BOLL: variants seen among roughly 807,000 people sequenced by gnomAD.
BOLL encodes the protein boule RNA binding protein.
Under a neutral mutation model 44.4 loss-of-function variants are expected in BOLL, and 23 were observed. That is an observed-to-expected ratio of 0.52 (90% CI 0.37 to 0.73). The LOEUF is 0.73. Ranked by LOEUF, BOLL falls within the 30% of genes least tolerant of loss-of-function variation. The pLI, the probability that BOLL is intolerant of heterozygous loss-of-function variation, is 0.00. For missense variants in BOLL, 287 were observed against 338.3 expected (o/e 0.85, Z 1.19); for synonymous variants, 97 against 110.8 (o/e 0.88, Z 0.78).
chr2:197,731,551 C>T (rs1370550236), intron 10 of BOLL, among the ~76,000 whole-genome samples: 3 of 82,706 alleles, frequency 3.6e-5, no homozygotes, highest in Non-Finnish European at 6.8e-5. Flanking sequence ...CAAAATTGAC[C>T]ACATAGTTGG....
intron 2 of BOLL, among the ~76,000 whole-genome samples, chr2:197,780,859 T>C (rs1482695701): frequency 6.6e-6 from 1 of 152,008 alleles, no homozygotes; most frequent in Non-Finnish European, 1.5e-5. Context: ...CTTCTATATA[T>C]CCATTTGAAA....
Position 197,781,760 on chromosome 2 carries a change from T to C in BOLL, c.91A>G (p.Ile31Val). 6.2e-7 allele frequency: 1 copy of C among 1,601,174 alleles called. No individual in the cohort carries two copies. Among genetic ancestry groups the C allele is most frequent in the Non-Finnish European group, 8.5e-7 (1 of 1,171,174 alleles). The change falls in exon 2 of 11, where the codon ATC becomes GTC. Residue 31 changes from isoleucine (I) to valine (V), a missense_variant. Ile to Val is a conservative substitution (Grantham distance 29). Transcript: ENST00000392296. ...PTSAPRYGTVIPNRIFVGGID... is the reference protein window; with the variant it reads ...PTSAPRYGTVVPNRIFVGGID... ...CCTCCTACAAAGATGCGATTAGGGATCACTGTTCCATATCTTGGGGCACTT... is the reference window on the plus strand; with the variant it reads ...CCTCCTACAAAGATGCGATTAGGGACCACTGTTCCATATCTTGGGGCACTT...
rs985863702 is a variant in BOLL at position 197,775,688 on chromosome 2, C to T, written c.329G>A (p.Arg110Lys). 6.4e-7 allele frequency: 1 copy of T among 1,566,364 alleles called. No individual in the cohort carries two copies. The highest frequency in any genetic ancestry group is 1.4e-5 in the African/African-American group (1 of 72,858). ...ACGAGGGATCCCTACTTGTTGTTTT[C>T]TTATTGCTGGACCAATGTTCAGCTT... Reference protein sequence around the residue: ...DKKLNIGPAIRKQQVGIPRSS... With the variant: ...DKKLNIGPAIKKQQVGIPRSS... Residue 110 changes from arginine to lysine, a missense_variant, in exon 5 of 11, where the codon AGA (arginine) becomes AAA (lysine). Transcript: ENST00000392296.
intron 1 of BOLL, among the ~76,000 whole-genome samples, chr2:197,783,527 C>T (rs147683793): frequency 6.6e-6 from 1 of 152,270 alleles, no homozygotes; most frequent in East Asian, 1.9e-4. Flanking sequence ...CTTATGGGCT[C>T]TCTTCCCCAT....
chr2:197,727,299 G>A lies in BOLL; in HGVS notation c.*1256C>T, dbSNP rs1031599541. 2.6e-5 allele frequency: 4 copies of A among 152,302 alleles called. No homozygotes were observed. Among genetic ancestry groups the A allele is most frequent in the Non-Finnish European group, 5.9e-5 (4 of 68,046 alleles). 9.4% of individuals were successfully genotyped at this position (152,302 alleles called of 1,614,324 possible). ...TGCTGCTGAGCATGGAATACATGTG[G>A]GGTTGAAACAGGGGAGGAAAGAGAT... On this transcript the variant is annotated 3_prime_UTR_variant, in exon 11 of 11. Coordinates refer to ENST00000392296, the MANE Select transcript of BOLL (RefSeq NM_033030.6).
At chr2:197,737,368 A>G (rs1346861508) in intron 10 of BOLL, among the ~76,000 whole-genome samples, 2 of 152,074 alleles carry the variant, frequency 1.3e-5, no homozygotes, top group African/African-American at 4.8e-5. Context: ...CTGTCCTTAC[A>G]TCAAAAAGGA....
intron 9 of BOLL, 116 bp from the exon 10 acceptor site, chr2:197,743,275 A>G (rs1411446543): frequency 4.9e-6 from 3 of 614,826 alleles, no homozygotes; most frequent in Non-Finnish European, 7.7e-6. Context: ...AGTTAAAAAC[A>G]CATGCCCTTA....
intron 6 of BOLL, 47 bp from the exon 7 acceptor site, chr2:197,766,650 A>G (rs780347530): frequency 4.7e-5 from 64 of 1,356,174 alleles, no homozygotes; most frequent in Non-Finnish European, 6.2e-5. Flanking sequence ...CCTTTAAAAT[A>G]GCTCACAATA....
intron 10 of BOLL, among the ~76,000 whole-genome samples, chr2:197,731,159 C>T (rs1327694485): frequency 6.6e-6 from 1 of 152,010 alleles, no homozygotes; most frequent in Non-Finnish European, 1.5e-5. Flanking sequence ...GCAGGGGTTG[C>T]AATCCTGGTC....
chr2:197,768,409 T>C (rs1435310445), intron 6 of BOLL, among the ~76,000 whole-genome samples: 1 of 151,802 alleles, frequency 6.6e-6, no homozygotes, highest in Non-Finnish European at 1.5e-5. Context: ...AGCAAAGACA[T>C]AAGGATAGAT....
intron 7 of BOLL, among the ~76,000 whole-genome samples, chr2:197,761,183 G>T (rs1009835496): frequency 1.3e-5 from 2 of 152,118 alleles, no homozygotes; most frequent in Non-Finnish European, 2.9e-5. Flanking sequence ...CAGGGCACAT[G>T]CCTGTAGTCT....
chr2:197,760,554 G>A (rs1299410954), intron 7 of BOLL, among the ~76,000 whole-genome samples: 1 of 152,194 alleles, frequency 6.6e-6, no homozygotes, highest in Admixed American at 6.5e-5. Context: ...CCCAAGCCCA[G>A]TGAGCCAGAC....
intron 1 of BOLL, among the ~76,000 whole-genome samples, chr2:197,783,869 T>C (rs1314289196): frequency 6.6e-6 from 1 of 152,200 alleles, no homozygotes; most frequent in East Asian, 1.9e-4. Flanking sequence ...AAATTACCTA[T>C]TTGCTAAATT....
chr2:197,743,436 TA>T (rs1444505396), intron 9 of BOLL, among the ~76,000 whole-genome samples: 4 of 152,208 alleles, frequency 2.6e-5, no homozygotes, highest in African/African-American at 9.6e-5. Context: ...AGAGATTATG[TA>T]AATGCAGTTA....
chr2:197,728,822 T>C (rs1013574274), intron 10 of BOLL, among the ~76,000 whole-genome samples: 1 of 152,210 alleles, frequency 6.6e-6, no homozygotes, highest in African/African-American at 2.4e-5. Flanking sequence ...TGTTACAGTA[T>C]AAATGTTGAG....
At chr2:197,770,800 A>C (rs1454176944) in intron 6 of BOLL, among the ~76,000 whole-genome samples, 3 of 152,176 alleles carry the variant, frequency 2.0e-5, no homozygotes, top group Admixed American at 6.6e-5. Context: ...ACAGTGAGAT[A>C]CCATCTCACA....
chr2:197,746,941 C>T (rs1688014410), intron 9 of BOLL, among the ~76,000 whole-genome samples: 1 of 149,842 alleles, frequency 6.7e-6, no homozygotes, highest in African/African-American at 2.5e-5. Flanking sequence ...ATGGTGGTTG[C>T]CAGGGACTGG....
At chr2:197,771,152 G>A (rs941487993) in intron 6 of BOLL, among the ~76,000 whole-genome samples, 4 of 152,088 alleles carry the variant, frequency 2.6e-5, no homozygotes, top group African/African-American at 9.7e-5. Flanking sequence ...TATACACAAT[G>A]GAATACTATG....
chr2:197,784,442 ATATAT>A (rs1689962145), intron 1 of BOLL, among the ~76,000 whole-genome samples: 1 of 63,468 alleles, frequency 1.6e-5, no homozygotes, highest in Non-Finnish European at 3.0e-5. Flanking sequence ...ATATATATAT[ATATAT>A]ATTTGAGACA....
Sources: gnomAD v4.1 joint callset for allele counts (sites outside exome capture counted in the v4.1 genomes callset) on GRCh38, gnomAD v4.1.1 for gene constraint, MANE v1.5 for transcripts, NCBI Gene and HGNC (gene_info 2026-07-23, HGNC 2026-07-21) for gene names.